Variants in MSRA observed in about 807,000 individuals in gnomAD.
MSRA encodes the protein mitochondrial peptide methionine sulfoxide reductase.
MSRA carries 54 observed loss-of-function variants against 31.3 expected under a neutral mutation model. The observed-to-expected ratio is 1.73, with a 90% confidence interval of 1.39 to 2.17. MSRA has a LOEUF of 2.17. MSRA is among the 30% of genes most tolerant of loss of function. MSRA has a pLI of 0.00. For missense variants in MSRA, 507 were observed against 300.9 expected (o/e 1.69, Z -5.07); for synonymous variants, 169 against 116.5 (o/e 1.45, Z -2.90).
At chr8:10,388,842 G>C (rs1225761719) in intron 5 of MSRA, among the ~76,000 whole-genome samples, 3 of 151,722 alleles carry the variant, frequency 2.0e-5, no homozygotes, top group Non-Finnish European at 2.9e-5. Flanking sequence ...GATGCCATTA[G>C]CTTGCTGCTT....
intron 1 of MSRA, among the ~76,000 whole-genome samples, chr8:10,174,593 C>A (rs13258839): frequency 0.4 from 60,524 of 151,790 alleles, 13,401 homozygotes; most frequent in Middle Eastern, 0.5. Flanking sequence ...TCAGCTTCCT[C>A]CCCTGAGCTC....
intron 1 of MSRA, among the ~76,000 whole-genome samples, chr8:10,092,083 G>A (rs1468912693): frequency 2.7e-5 from 1 of 36,734 alleles, no homozygotes; most frequent in Non-Finnish European, 1.2e-4. Context: ...TAAAGGGTCT[G>A]TAGTACTCTT....
At chr8:10,118,059 G>T (rs1422550074) in intron 1 of MSRA, among the ~76,000 whole-genome samples, 1 of 152,358 alleles carries the variant, frequency 6.6e-6, no homozygotes, top group African/African-American at 2.4e-5. Flanking sequence ...GGATTTCACT[G>T]TAAGGTTTTG....
chr8:10,413,661 TA>T (rs35633124), intron 5 of MSRA, among the ~76,000 whole-genome samples: 40 of 137,522 alleles, frequency 2.9e-4, no homozygotes, highest in African/African-American at 5.7e-4. Context: ...AGAGAGATAT[TA>T]AAAAAAAAAA....
intron 4 of MSRA, among the ~76,000 whole-genome samples, chr8:10,311,903 C>T (rs911983041): frequency 6.6e-6 from 1 of 152,096 alleles, no homozygotes; most frequent in African/African-American, 2.4e-5. Flanking sequence ...GGCAACAGAG[C>T]AAGAGCTTGC....
At chr8:10,274,442 C>CT (rs1221990997) in intron 3 of MSRA, among the ~76,000 whole-genome samples, 2 of 152,102 alleles carry the variant, frequency 1.3e-5, no homozygotes, top group Non-Finnish European at 2.9e-5. Flanking sequence ...TATCCTGACA[C>CT]TAAGAGTGAT....
At chr8:10,365,142 C>CAAAA (rs1171189760) in intron 5 of MSRA, among the ~76,000 whole-genome samples, 14 of 61,254 alleles carry the variant, frequency 2.3e-4, no homozygotes, top group Middle Eastern at 0.011. Context: ...GTGAAGCAAC[C>CAAAA]AAAAAAAAAA....
At chr8:10,267,702 C>T (rs1278260854) in intron 3 of MSRA, among the ~76,000 whole-genome samples, 1 of 152,136 alleles carries the variant, frequency 6.6e-6, no homozygotes, top group Non-Finnish European at 1.5e-5. Context: ...GCTGGGGGAT[C>T]AGGAATGAGT....
chr8:10,374,395 A>G (rs1336148725), intron 5 of MSRA, among the ~76,000 whole-genome samples: 14 of 152,182 alleles, frequency 9.2e-5, no homozygotes, highest in African/African-American at 3.1e-4. Flanking sequence ...AAGAATAGCC[A>G]CCAACCTAGC....
intron 1 of MSRA, among the ~76,000 whole-genome samples, chr8:10,184,684 C>G (rs1209919678): frequency 2.6e-5 from 4 of 152,158 alleles, no homozygotes; most frequent in Non-Finnish European, 5.9e-5. Context: ...TTTCACTGAT[C>G]TACTTAACAA....
intron 2 of MSRA, among the ~76,000 whole-genome samples, chr8:10,242,427 G>T (rs900294434): frequency 1.3e-5 from 2 of 152,156 alleles, no homozygotes; most frequent in Non-Finnish European, 1.5e-5. Flanking sequence ...TAAGGTTTCT[G>T]TTGGGATTGG....
intron 1 of MSRA, among the ~76,000 whole-genome samples, chr8:10,113,774 T>G (rs1800471855): frequency 6.6e-6 from 1 of 151,832 alleles, no homozygotes; most frequent in Non-Finnish European, 1.5e-5. Flanking sequence ...TTTTTTTTTT[T>G]TTTAAAAAAA....
chr8:10,090,095 A>G (rs1039561756), intron 1 of MSRA, among the ~76,000 whole-genome samples: 1 of 152,210 alleles, frequency 6.6e-6, no homozygotes, highest in Non-Finnish European at 1.5e-5. Context: ...GCCTGCTGGG[A>G]TTCATGGTGC....
intron 1 of MSRA, among the ~76,000 whole-genome samples, chr8:10,120,658 G>A (rs1371147409): frequency 6.6e-6 from 1 of 152,220 alleles, no homozygotes; most frequent in Admixed American, 6.5e-5. Flanking sequence ...CATGGAGTTA[G>A]AATACAGTAG....
At chr8:10,178,254 A>G (rs561348060) in intron 1 of MSRA, among the ~76,000 whole-genome samples, 5 of 152,278 alleles carry the variant, frequency 3.3e-5, no homozygotes, top group African/African-American at 1.2e-4. Context: ...TTAGTTTACC[A>G]TACTCTGACA....
rs1366868039 is a variant in MSRA at position 10,425,251 on chromosome 8, G to A, written c.544-2897G>A. ...CTCTATCCGCCACCCGACAGGACCC[G>A]TCCATGAGGTCCCAGGCCCAGGGCG... On this transcript the variant is annotated intron_variant, in intron 5 of 5. Coordinates refer to ENST00000317173, the MANE Select transcript of MSRA (RefSeq NM_012331.5). Among the ~76,000 whole-genome samples, 3 of 152,332 alleles carry A rather than the reference G, an allele frequency of 2.0e-5. No homozygotes were observed. The East Asian group carries it at 5.8e-4, about 29-fold the overall frequency.
intron 5 of MSRA, among the ~76,000 whole-genome samples, chr8:10,325,526 G>A (rs1345129071): frequency 6.6e-6 from 1 of 152,090 alleles, no homozygotes. Flanking sequence ...TTTATATAAA[G>A]TTAAATGCAT....
At chr8:10,280,277 G>C (rs193250452) in intron 3 of MSRA, among the ~76,000 whole-genome samples, 2 of 151,238 alleles carry the variant, frequency 1.3e-5, no homozygotes, top group Non-Finnish European at 2.9e-5. Context: ...CCCTCTTTTA[G>C]TTCCATCCTT....
At chr8:10,377,986 G>A (rs1805845783) in intron 5 of MSRA, among the ~76,000 whole-genome samples, 3 of 152,246 alleles carry the variant, frequency 2.0e-5, no homozygotes, top group Non-Finnish European at 4.4e-5. Flanking sequence ...TCTGGCCCCA[G>A]AACAGAAGCT....
Sources: gnomAD v4.1 joint callset for allele counts (sites outside exome capture counted in the v4.1 genomes callset) on GRCh38, gnomAD v4.1.1 for gene constraint, MANE v1.5 for transcripts, NCBI Gene and HGNC (gene_info 2026-07-23, HGNC 2026-07-21) for gene names.